Variants in RAPGEF4 observed in about 807,000 individuals in gnomAD.
RAPGEF4 encodes the protein Rap guanine nucleotide exchange factor 4, also known as RAP guanine-nucleotide-exchange factor (GEF) 4.
A neutral mutation model predicts 147.9 loss-of-function variants in RAPGEF4; 66 were observed. The observed-to-expected ratio is 0.45, with a 90% CI of 0.37 to 0.55. The LOEUF (loss-of-function observed/expected upper bound fraction) is 0.55, where lower values mean the gene tolerates loss of function less well. Ranked by LOEUF, RAPGEF4 falls within the 20% of genes least tolerant of loss-of-function variation. The pLI, the probability that RAPGEF4 is intolerant of heterozygous loss-of-function variation, is 0.00. For missense variants in RAPGEF4, 1,071 were observed against 1,257.3 expected (o/e 0.85, Z 2.24); for synonymous variants, 419 against 442.7 (o/e 0.95, Z 0.67).
At chr2:172,898,381 C>A (rs959882344) in intron 4 of RAPGEF4, among the ~76,000 whole-genome samples, 3 of 152,184 alleles carry the variant, frequency 2.0e-5, no homozygotes, top group Non-Finnish European at 2.9e-5. Context: ...ATTACCAGAC[C>A]GTCTTCTCTT....
At chr2:172,861,519 G>A (rs1417528866) in intron 4 of RAPGEF4, among the ~76,000 whole-genome samples, 1 of 152,212 alleles carries the variant, frequency 6.6e-6, no homozygotes, top group Non-Finnish European at 1.5e-5. Context: ...CCAGGAAGAT[G>A]GTGTCCCTGG....
At chr2:173,004,548 A>G (rs66749057) in intron 17 of RAPGEF4, among the ~76,000 whole-genome samples, 42,158 of 151,894 alleles carry the variant, frequency 0.28, 6,465 homozygotes, top group African/African-American at 0.39. Flanking sequence ...TGTAAGAATG[A>G]GATCATACTG....
At chr2:172,996,399 A>T in intron 15 of RAPGEF4, 67 bp from the exon 16 acceptor site, 1 of 894,414 alleles carries the variant, frequency 1.1e-6, no homozygotes, top group Non-Finnish European at 1.7e-6. Context: ...AAACTTAGAT[A>T]AGTAAAAGTT....
At chr2:172,884,784 A>C (rs1697001026) in intron 4 of RAPGEF4, among the ~76,000 whole-genome samples, 1 of 152,242 alleles carries the variant, frequency 6.6e-6, no homozygotes, top group South Asian at 2.1e-4. Flanking sequence ...TTTCCAAAAA[A>C]ATACATATGC....
rs1451506887 is a variant in RAPGEF4 at position 173,014,474 on chromosome 2, C to T, written c.1669C>T (p.Gln557Ter). The T allele has an allele frequency of 6.2e-7, 1 of 1,613,952 alleles. No individual in the cohort carries two copies. Among genetic ancestry groups the T allele is most frequent in the Non-Finnish European group, 8.5e-7 (1 of 1,179,922 alleles). The change falls in exon 18 of 31, where the codon CAG (glutamine) becomes TAG (stop). Residue 557 changes from glutamine to a stop codon, truncating the protein, a stop_gained. Coordinates refer to ENST00000397081, the MANE Select transcript of RAPGEF4 (RefSeq NM_007023.4). LOFTEE classifies it high-confidence loss of function. ...CPALVAHYHA[Q>*]PSQGTEQEKM... ...TTGACTCCTCGGCACCTACCACGCA[C>T]AGCCTTCACAAGGTACAGAACAGGA... is the stretch of plus-strand genomic sequence containing the variant.
intron 6 of RAPGEF4, among the ~76,000 whole-genome samples, chr2:172,931,395 C>T (rs1382366252): frequency 6.6e-6 from 1 of 152,068 alleles, no homozygotes; most frequent in East Asian, 1.9e-4. Context: ...GGAGATTGGG[C>T]CTGGAAAGCC....
At chr2:172,872,433 G>T (rs1695344349) in intron 4 of RAPGEF4, among the ~76,000 whole-genome samples, 1 of 152,160 alleles carries the variant, frequency 6.6e-6, no homozygotes, top group East Asian at 1.9e-4. Context: ...GTTGTATGTT[G>T]TGTTTTTGAC....
At chr2:172,858,833 T>C (rs1215000290) in intron 4 of RAPGEF4, among the ~76,000 whole-genome samples, 1 of 152,192 alleles carries the variant, frequency 6.6e-6, no homozygotes, top group Non-Finnish European at 1.5e-5. Flanking sequence ...AAGTTATTTC[T>C]CCTGACTGAA....
intron 4 of RAPGEF4, among the ~76,000 whole-genome samples, chr2:172,872,881 T>C (rs1575098597): frequency 2.0e-5 from 3 of 152,258 alleles, no homozygotes; most frequent in African/African-American, 7.2e-5. Context: ...TTCCTGCTTT[T>C]CCTTCCAGCT....
intron 6 of RAPGEF4, among the ~76,000 whole-genome samples, chr2:172,952,502 G>A (rs1437406812): frequency 6.6e-6 from 1 of 152,178 alleles, no homozygotes; most frequent in Non-Finnish European, 1.5e-5. Context: ...ATGGGCAGTG[G>A]CTTCTGTGGA....
chr2:172,981,358 A>G (rs1352041600), intron 10 of RAPGEF4, among the ~76,000 whole-genome samples: 9 of 152,218 alleles, frequency 5.9e-5, no homozygotes, highest in Non-Finnish European at 1.2e-4. Flanking sequence ...ATTGACTTTT[A>G]AATCCCCAAG....
intron 1 of RAPGEF4, among the ~76,000 whole-genome samples, chr2:172,763,787 C>G (rs1336488589): frequency 6.6e-6 from 1 of 151,918 alleles, no homozygotes; most frequent in East Asian, 1.9e-4. Context: ...CAGTTTAATG[C>G]AATGAAAATA....
intron 12 of RAPGEF4, among the ~76,000 whole-genome samples, chr2:172,986,539 C>T (rs1026619590): frequency 2.0e-5 from 3 of 152,048 alleles, no homozygotes; most frequent in Non-Finnish European, 4.4e-5. Flanking sequence ...TTGCTAATGA[C>T]TTATTCTTTT....
intron 4 of RAPGEF4, among the ~76,000 whole-genome samples, chr2:172,876,266 C>T (rs1252643185): frequency 6.6e-6 from 1 of 152,108 alleles, no homozygotes; most frequent in South Asian, 2.1e-4. Context: ...ATTGCCCTGG[C>T]CAGAACTTCT....
chr2:172,797,650 T>G (rs753544382), intron 3 of RAPGEF4, 37 bp downstream of exon 3: 1 of 1,491,248 alleles, frequency 6.7e-7, no homozygotes, highest in Non-Finnish European at 9.3e-7. Context: ...AGGATTTATT[T>G]TTTTTAAAGA....
intron 10 of RAPGEF4, among the ~76,000 whole-genome samples, chr2:172,974,752 G>T (rs1273857925): frequency 6.6e-6 from 1 of 152,140 alleles, no homozygotes; most frequent in Non-Finnish European, 1.5e-5. Flanking sequence ...CCAGAATGGA[G>T]TTCACCATCT....
In RAPGEF4 at chr2:172,795,036, G is replaced by A. The variant is rs866799911; in HGVS notation, c.77G>A (p.Arg26Gln). ...TTCTCCCTATACAGACCACTGGAGC[G>A]ATCCAGCGAAGATGTGGATATAATC... ...IACLDKRPLE[R>Q]SSEDVDIIFT... is the part of the protein sequence containing the mutation. Residue 26 changes from arginine (R) to glutamine (Q), a missense_variant, in exon 2 of 31, where the codon CGA (arginine) becomes CAA (glutamine). Transcript: ENST00000397081. The A allele has an allele frequency of 6.2e-6, 10 of 1,613,850 alleles. No homozygotes were observed. The highest frequency in any genetic ancestry group is 7.6e-6 in the Non-Finnish European group (9 of 1,179,902).
chr2:172,961,193 G>A lies in RAPGEF4; in HGVS notation c.663G>A (p.Met221Ile). 6.2e-7 allele frequency: 1 copy of A among 1,611,646 alleles called. No homozygotes were observed. Among genetic ancestry groups the A allele is most frequent in the Middle Eastern group, 1.7e-4 (1 of 6,058 alleles). ...CCATTCTCTCTCGAGCACCTCACAT[G>A]ATAAGAGATAGAAAATACCACCTAA... is the stretch of plus-strand genomic sequence containing the variant. ...RNAILSRAPH[M>I]IRDRKYHLKT... Residue 221 changes from methionine to isoleucine, a missense_variant, in exon 8 of 31, where the codon ATG (methionine) becomes ATA (isoleucine). Met to Ile is a conservative substitution (Grantham distance 10). Coordinates refer to ENST00000397081, the MANE Select transcript of RAPGEF4 (RefSeq NM_007023.4).
intron 16 of RAPGEF4, among the ~76,000 whole-genome samples, chr2:172,999,247 A>G (rs1055725786): frequency 2.0e-5 from 3 of 152,098 alleles, no homozygotes; most frequent in Non-Finnish European, 4.4e-5. Context: ...TTTTCCTGAT[A>G]TTTTTTTCCT....
Sources: allele counts gnomAD v4.1 joint callset (sites outside exome capture counted in the v4.1 genomes callset), GRCh38; gene constraint gnomAD v4.1.1; transcripts MANE v1.5; gene names NCBI Gene and HGNC (gene_info 2026-07-23, HGNC 2026-07-21).